GPAT4: variants seen among roughly 807,000 people sequenced by gnomAD.
GPAT4 encodes the protein glycerol-3-phosphate acyltransferase 4.
GPAT4 carries 17 observed loss-of-function variants against 58.0 expected under a neutral mutation model. The ratio of observed to expected loss-of-function variants is 0.29; its 90% CI spans 0.20 to 0.44. The LOEUF is 0.44. GPAT4 is among the 20% of genes least tolerant of loss of function. The pLI is 1.00. For missense variants in GPAT4, 377 were observed against 574.5 expected (o/e 0.66, Z 3.51); for synonymous variants, 204 against 210.1 (o/e 0.97, Z 0.25).
At position 41,582,626 on chromosome 8, in the gene GPAT4, A is replaced by G. The variant is rs12545160; in HGVS notation, c.-849+4348A>G. On this transcript the variant is annotated intron_variant, in intron 1 of 12. Coordinates refer to ENST00000396987, the MANE Select transcript of GPAT4 (RefSeq NM_178819.4). Reference sequence around the variant, plus strand: ...ATGCTTTTTTAAAAAGCACAAAGAAATAGATAAGGTTGATTTAATCATTCC... The same window carrying G: ...ATGCTTTTTTAAAAAGCACAAAGAAGTAGATAAGGTTGATTTAATCATTCC... Among the ~76,000 whole-genome samples the G allele has an allele frequency of 1.2e-3, 183 of 152,248 alleles. 2 individuals are homozygous for G. The highest frequency in any genetic ancestry group is 8.4e-3 in the Admixed American group (128 of 15,278).
At chr8:41,615,134 G>T in intron 10 of GPAT4, 86 bp downstream of exon 10, 1 of 1,253,820 alleles carries the variant, frequency 8.0e-7, no homozygotes, top group Non-Finnish European at 1.1e-6. Flanking sequence ...AAGGAGCTGG[G>T]GTCACCAGTC....
intron 2 of GPAT4, among the ~76,000 whole-genome samples, chr8:41,603,963 C>T (rs1442956573): frequency 3.3e-5 from 5 of 151,178 alleles, no homozygotes; most frequent in African/African-American, 7.3e-5. Context: ...TGTAATATAG[C>T]AATAAGATAG....
intron 1 of GPAT4, among the ~76,000 whole-genome samples, chr8:41,585,138 A>G (rs998439507): frequency 2.6e-5 from 4 of 152,188 alleles, no homozygotes; most frequent in Non-Finnish European, 4.4e-5. Flanking sequence ...CAGTCCCGAT[A>G]CACTCGACGT....
At chr8:41,595,154 TAG>T in intron 1 of GPAT4, among the ~76,000 whole-genome samples, 1 of 141,986 alleles carries the variant, frequency 7.0e-6, no homozygotes, top group African/African-American at 2.7e-5. Context: ...AGAATTGGTA[TAG>T]TTTTTTTTTT....
intron 8 of GPAT4, among the ~76,000 whole-genome samples, chr8:41,613,498 A>G (rs986883743): frequency 1.3e-5 from 2 of 152,202 alleles, no homozygotes; most frequent in African/African-American, 4.8e-5. Flanking sequence ...TTTTACTGCT[A>G]TTTGAAACCT....
chr8:41,603,270 T>C (rs13275940), intron 2 of GPAT4, among the ~76,000 whole-genome samples: 67,473 of 151,960 alleles, frequency 0.44, 15,159 homozygotes, highest in Middle Eastern at 0.52. Flanking sequence ...CTCATGCCTG[T>C]AATCCCGGCA....
chr8:41,613,701 G>A (rs1291533028), intron 8 of GPAT4, among the ~76,000 whole-genome samples: 1 of 152,110 alleles, frequency 6.6e-6, no homozygotes, highest in Non-Finnish European at 1.5e-5. Flanking sequence ...TGCTTTGAGA[G>A]CCCGGGAGTT....
In GPAT4 at chr8:41,622,408, C is replaced by T. The variant is rs745642514; in HGVS notation, c.*1407C>T. ...GCCACTGGTGCCTGCTGTACAGTCACAGTGGAGGCAGAGCCAAGGCCAAGC... is the reference window on the plus strand; with the variant it reads ...GCCACTGGTGCCTGCTGTACAGTCATAGTGGAGGCAGAGCCAAGGCCAAGC... On this transcript the variant is annotated 3_prime_UTR_variant, in exon 13 of 13. Transcript: ENST00000396987. 3.3e-5 allele frequency: 5 copies of T among 152,470 alleles called. No homozygotes were observed. The highest frequency in any genetic ancestry group is 7.3e-5 in the Non-Finnish European group (5 of 68,108). The allele number at this position is 152,470 out of a possible 1,614,324, so 9.4% of individuals were successfully genotyped here.
In GPAT4 at chr8:41,614,417, C is replaced by T; in HGVS notation, c.943C>T (p.Leu315=). 2 of 1,614,060 alleles carry T rather than the reference C, an allele frequency of 1.2e-6. No individual in the cohort carries two copies. The highest frequency in any genetic ancestry group is 1.7e-6 in the Non-Finnish European group (2 of 1,180,006). ...TGAACATGTGCAAGATAAAAGCAAG[C>T]TGCCTATCCTCATCTTCCCAGAAGG... The part of the protein sequence containing the change: ...LTEHVQDKSK[L]PILIFPEGTC... The change falls in exon 9 of 13, where the codon CTG becomes TTG. Residue 315 remains leucine (L), a synonymous_variant. Coordinates refer to ENST00000396987, the MANE Select transcript of GPAT4 (RefSeq NM_178819.4).
chr8:41,596,573 A>T (rs1309703729), intron 1 of GPAT4, among the ~76,000 whole-genome samples: 1 of 152,176 alleles, frequency 6.6e-6, no homozygotes, highest in Non-Finnish European at 1.5e-5. Context: ...ATCCTCTGGG[A>T]GCCTGCCACA....
intron 2 of GPAT4, among the ~76,000 whole-genome samples, chr8:41,600,036 C>CTTTTCTTTTTTTT (rs1554502474): frequency 3.0e-5 from 3 of 100,332 alleles, no homozygotes; most frequent in South Asian, 3.4e-4. Flanking sequence ...TTTTTCTTTT[C>CTTTTCTTTTTTTT]TTTTTTTTTT....
intron 2 of GPAT4, among the ~76,000 whole-genome samples, chr8:41,605,574 G>A (rs371460890): frequency 1.1e-5 from 1 of 92,914 alleles, no homozygotes; most frequent in South Asian, 2.8e-4. Flanking sequence ...TTGTTTGTTT[G>A]TTTGTTTGTT....
chr8:41,609,962 C>T lies in GPAT4; in HGVS notation c.536+7C>T. ...GCTTTCTGCTGCCGCTCAGGTGAGG[C>T]AGGGCCTGCGGGAGTGGGGCTCGCT... On this transcript the variant is annotated splice_region_variant and intron_variant, in intron 4 of 12. Coordinates refer to ENST00000396987, the MANE Select transcript of GPAT4 (RefSeq NM_178819.4). The T allele has an allele frequency of 1.9e-6, 3 of 1,591,284 alleles. No individual in the cohort carries two copies. The highest frequency in any genetic ancestry group is 2.6e-6 in the Non-Finnish European group (3 of 1,166,798).
At chr8:41,581,721 C>T (rs1372285622) in intron 1 of GPAT4, among the ~76,000 whole-genome samples, 11 of 151,030 alleles carry the variant, frequency 7.3e-5, no homozygotes, top group African/African-American at 2.7e-4. Context: ...CTCCGCCTCC[C>T]GGGTTCACAC....
intron 1 of GPAT4, among the ~76,000 whole-genome samples, chr8:41,580,571 T>C (rs990081405): frequency 6.6e-6 from 1 of 152,220 alleles, no homozygotes; most frequent in African/African-American, 2.4e-5. Flanking sequence ...ATATTCTGCC[T>C]CTCCAAGGAA....
rs139650926 is a variant in GPAT4, at chr8:41,621,110, C to T, written c.*109C>T. ...GTCCTTTCCAGACTCCAGGGCTCCC[C>T]GGGCTGCTCTGGATCCCAGGACTCC... is the stretch of plus-strand genomic sequence containing the variant. On this transcript the variant is annotated 3_prime_UTR_variant, in exon 13 of 13. Transcript: ENST00000396987. 57 of 1,445,126 alleles carry T rather than the reference C, an allele frequency of 3.9e-5. No homozygotes were observed. In the South Asian group the frequency reaches 4.2e-4, roughly 11 times the overall value. The allele number at this position is 1,445,126 out of a possible 1,614,324, so 89.5% of individuals were successfully genotyped here.
intron 2 of GPAT4, among the ~76,000 whole-genome samples, chr8:41,606,809 C>A (rs1163675335): frequency 2.0e-5 from 3 of 151,968 alleles, no homozygotes; most frequent in African/African-American, 7.3e-5. Context: ...AGATAGCAGC[C>A]CTTCAAAAGT....
rs2150503478 is a variant in GPAT4, at chr8:41,612,859, C to CG, written c.815dup (p.Leu273ThrfsTer19). 1 of 1,613,880 alleles carries CG rather than the reference C, an allele frequency of 6.2e-7. No homozygotes were observed. Among genetic ancestry groups the CG allele is most frequent in the South Asian group, 1.1e-5 (1 of 91,054 alleles). On this transcript the variant is annotated frameshift_variant, in exon 8 of 13. Transcript: ENST00000396987. LOFTEE classifies it high-confidence loss of function. ...CCTGCGCTTAGGTGGGTCAAGTGCA[C>CG]GGGGGACTCATGGGTGTGATTCAGA...
At chr8:41,599,799 C>A (rs574670610) in intron 2 of GPAT4, among the ~76,000 whole-genome samples, 2 of 152,268 alleles carry the variant, frequency 1.3e-5, no homozygotes, top group South Asian at 2.1e-4. Flanking sequence ...TCAGAACTTA[C>A]CTGACTGTTG....
Sources: gnomAD v4.1 joint callset for allele counts (sites outside exome capture counted in the v4.1 genomes callset) on GRCh38, gnomAD v4.1.1 for gene constraint, MANE v1.5 for transcripts, NCBI Gene and HGNC (gene_info 2026-07-23, HGNC 2026-07-21) for gene names.